Variants in TSPAN1 observed in about 807,000 individuals in gnomAD.
TSPAN1 encodes tetraspanin-1.
A neutral mutation model predicts 26.9 loss-of-function variants in TSPAN1; 23 were observed. The ratio of observed to expected loss-of-function variants is 0.85; its 90% CI spans 0.62 to 1.21. TSPAN1 has a LOEUF of 1.21. Ranked by LOEUF, TSPAN1 falls within the 50% of genes most tolerant of loss-of-function variation. The probability of loss-of-function intolerance (pLI) is 0.00; values close to 1 mark genes in which losing one functional copy is unlikely to be tolerated. For synonymous variants in TSPAN1, 115 were observed against 114.8 expected, an observed-to-expected ratio of 1.00 and a Z score of -0.01; for missense variants, 283 against 298.4, an observed-to-expected ratio of 0.95 and a Z score of 0.38.
downstream of TSPAN1, chr1:46,189,186 C>A: frequency 6.5e-7 from 1 of 1,539,114 alleles, no homozygotes; most frequent in Non-Finnish European, 8.7e-7. Context: ...CTACCAGCAT[C>A]TACAAAATCC....
chr1:46,177,855 A>G (rs894023494), intron 1 of TSPAN1, among the ~76,000 whole-genome samples: 2 of 152,258 alleles, frequency 1.3e-5, no homozygotes, highest in African/African-American at 4.8e-5. Context: ...GATCCACTGT[A>G]TAAGGAAACT....
chr1:46,192,208 T>C, the TSPAN1 span: 1 of 1,614,216 alleles, frequency 6.2e-7, no homozygotes, highest in Non-Finnish European at 8.5e-7. Context: ...CGCATCCACA[T>C]GTCCCAATCC....
intron 1 of TSPAN1, chr1:46,176,458 C>T (rs867765299): frequency 7.8e-6 from 12 of 1,535,594 alleles, no homozygotes; most frequent in Middle Eastern, 1.7e-4. Context: ...ACGGACAAGC[C>T]GAGATGGCCC....
chr1:46,195,406 C>A, the TSPAN1 span: 1 of 374,122 alleles, frequency 2.7e-6, no homozygotes, highest in Non-Finnish European at 5.1e-6. Context: ...GCTCACATAT[C>A]ATCTCCTTGC....
intron 1 of TSPAN1, chr1:46,176,509 T>G: frequency 6.5e-7 from 1 of 1,532,844 alleles, no homozygotes; most frequent in Non-Finnish European, 8.7e-7. Flanking sequence ...TGGGGGGTGC[T>G]GTTGGCCAGG....
chr1:46,194,755 T>A, the TSPAN1 span: 1 of 1,613,768 alleles, frequency 6.2e-7, no homozygotes, highest in Non-Finnish European at 8.5e-7. Context: ...CACTGGCTCC[T>A]ATTTGTTCCC....
chr1:46,195,688 G>T, the TSPAN1 span: 1 of 911,478 alleles, frequency 1.1e-6, no homozygotes, highest in Non-Finnish European at 1.8e-6. Context: ...GCTGAGATTG[G>T]AACCTGAGTA....
At chr1:46,190,834 C>A (rs937396039), downstream of TSPAN1, 1 of 1,517,242 alleles carries the variant, frequency 6.6e-7, no homozygotes, top group Non-Finnish European at 9.2e-7. Context: ...GTCTGGCCCA[C>A]ACCCACTTGC....
downstream of TSPAN1, among the ~76,000 whole-genome samples, chr1:46,187,720 T>C (rs572623680): frequency 8.5e-5 from 13 of 152,220 alleles, no homozygotes; most frequent in Non-Finnish European, 1.8e-4. Context: ...TACCTCATCA[T>C]GGGCTAATTG....
the TSPAN1 span, chr1:46,195,578 G>A: frequency 3.4e-6 from 2 of 593,504 alleles, no homozygotes; most frequent in Admixed American, 4.6e-5. Flanking sequence ...TGAGGGTGGG[G>A]ACTCTGTCTT....
chr1:46,176,405 C>T (rs1198853998), intron 1 of TSPAN1: 1 of 1,535,788 alleles, frequency 6.5e-7, no homozygotes. Flanking sequence ...CAGCCCATAC[C>T]TGGCCTGCGG....
At chr1:46,186,722 C>T (rs1249294494), downstream of TSPAN1, among the ~76,000 whole-genome samples, 4 of 137,094 alleles carry the variant, frequency 2.9e-5, no homozygotes, top group East Asian at 2.2e-4. Context: ...AGTGCAGTGG[C>T]GCGATCTCGG....
At chr1:46,194,222 C>G in the TSPAN1 span, 5 of 1,613,936 alleles carry the variant, frequency 3.1e-6, no homozygotes, top group East Asian at 8.9e-5. Flanking sequence ...CTGGGGCCCC[C>G]CTGCTGAGCT....
chr1:46,192,011 G>T, the TSPAN1 span: 2 of 1,494,782 alleles, frequency 1.3e-6, no homozygotes, highest in Admixed American at 1.9e-5. Context: ...TGGCTAGCAA[G>T]TAGCAGAGCT....
At chr1:46,193,488 C>A in the TSPAN1 span, 1 of 1,612,586 alleles carries the variant, frequency 6.2e-7, no homozygotes, top group South Asian at 1.1e-5. Flanking sequence ...CCTGGGCGGT[C>A]TCCCTTGCCC....
chr1:46,177,578 A>C (rs1032767653), intron 1 of TSPAN1, among the ~76,000 whole-genome samples: 1 of 152,130 alleles, frequency 6.6e-6, no homozygotes, highest in African/African-American at 2.4e-5. Flanking sequence ...CCAGCAAAAA[A>C]CACCAAAAAA....
At chr1:46,179,858 G>A (rs532511616) in intron 1 of TSPAN1, among the ~76,000 whole-genome samples, 1 of 152,306 alleles carries the variant, frequency 6.6e-6, no homozygotes, top group South Asian at 2.1e-4. Context: ...GTTTCATGGA[G>A]GGAAGAGGAT....
the TSPAN1 span, chr1:46,191,631 G>A: frequency 4.0e-6 from 1 of 248,684 alleles, no homozygotes; most frequent in Admixed American, 5.2e-5. Context: ...TGAGGTAGTA[G>A]TATTTTATCC....
In TSPAN1 at chr1:46,184,148, T is replaced by C. The variant is rs1007590598; in HGVS notation, c.58-43T>C. ...ACTCAGCTGTGTGGTAGTAAGCTAC[T>C]TGCCAGCACTGTTTAAGGCCTGCCT... On this transcript the variant is annotated intron_variant, in intron 3 of 8. Coordinates refer to ENST00000372003, the MANE Select transcript of TSPAN1 (RefSeq NM_005727.4). The C allele has an allele frequency of 1.3e-5, 21 of 1,605,432 alleles. No homozygotes were observed. The African/African-American group carries it at 2.1e-4, about 16-fold the overall frequency.
Sources: gnomAD v4.1 joint callset for allele counts (sites outside exome capture counted in the v4.1 genomes callset) on GRCh38, gnomAD v4.1.1 for gene constraint, MANE v1.5 for transcripts, NCBI Gene and HGNC (gene_info 2026-07-23, HGNC 2026-07-21) for gene names.